KLHL4: variants seen among roughly 807,000 people sequenced by gnomAD.
KLHL4 encodes the protein kelch like family member 4.
A neutral mutation model predicts 45.8 loss-of-function variants in KLHL4; 17 were observed. That is an observed-to-expected ratio of 0.37 (90% confidence interval 0.25 to 0.56). The LOEUF (loss-of-function observed/expected upper bound fraction) is 0.56. Ranked by LOEUF, KLHL4 falls within the 20% of genes least tolerant of loss-of-function variation. The probability of loss-of-function intolerance (pLI) is 0.79; values close to 1 mark genes in which losing one functional copy is unlikely to be tolerated. For missense variants in KLHL4, 544 were observed against 544.9 expected (o/e 1.00, Z 0.02); for synonymous variants, 224 against 189.9 (o/e 1.18, Z -1.47).
In KLHL4 at chrX:87,667,533, A is replaced by C. The variant is rs1250511012; in HGVS notation, c.*999A>C. The C allele has an allele frequency of 2.8e-6, 2 of 706,270 alleles. No individual in the cohort carries two copies. Among genetic ancestry groups the C allele is most frequent in the Non-Finnish European group, 3.3e-6 (2 of 597,745 alleles). 58.2% of individuals were successfully genotyped at this position (706,270 alleles called of 1,213,427 possible). On this transcript the variant is annotated 3_prime_UTR_variant, in exon 11 of 11. Coordinates refer to ENST00000373119, the MANE Select transcript of KLHL4 (RefSeq NM_019117.5). ...ATAGTTATCTTTTTTGTACCAACAC[A>C]TGCTTTTCTGTTACTGTTATATTAT...
In KLHL4 at chrX:87,618,791, G is replaced by A. The variant is rs1015642864; in HGVS notation, c.924+663G>A. Among the ~76,000 whole-genome samples, 22 of 111,697 alleles carry A rather than the reference G, an allele frequency of 2.0e-4. No homozygotes were observed. The East Asian group carries it at 3.9e-3, about 20-fold the overall frequency. ...TGGGATTACAGGCATGAGACACTGC[G>A]CCCAGCCCAGATAATTTTATTGAAT... is the stretch of plus-strand genomic sequence containing the variant. On this transcript the variant is annotated intron_variant, in intron 4 of 10. Transcript: ENST00000373119.
intron 8 of KLHL4, 117 bp from the exon 9 acceptor site, chrX:87,635,446 C>G (rs1923233995): frequency 2.0e-6 from 1 of 509,940 alleles, no homozygotes; most frequent in African/African-American, 2.3e-5. Flanking sequence ...TAGTCAGACC[C>G]TTCAGAAACT....
chrX:87,525,290 A>T (rs998595391), intron 1 of KLHL4, among the ~76,000 whole-genome samples: 1 of 111,664 alleles, frequency 9.0e-6, no homozygotes, highest in African/African-American at 3.2e-5. Context: ...GTATATATTT[A>T]TTAGTATTTT....
chrX:87,636,637 G>T (rs1241834497), intron 9 of KLHL4, among the ~76,000 whole-genome samples: 1 of 111,018 alleles, frequency 9.0e-6, no homozygotes, highest in Admixed American at 9.6e-5. Flanking sequence ...CGAGGGTGCA[G>T]TGGGAGTGAG....
chrX:87,668,587 G>A lies in KLHL4; in HGVS notation c.*2053G>A, dbSNP rs1215916687. The A allele has an allele frequency of 6.4e-6, 3 of 466,420 alleles. No homozygotes were observed. The highest frequency in any genetic ancestry group is 5.3e-5 in the African/African-American group (2 of 37,468). The allele number at this position is 466,420 out of a possible 1,213,427, so 38.4% of individuals were successfully genotyped here. On this transcript the variant is annotated 3_prime_UTR_variant, in exon 11 of 11. Coordinates refer to ENST00000373119, the MANE Select transcript of KLHL4 (RefSeq NM_019117.5). Reference sequence around the variant, plus strand: ...ACTCCTAATGTAGCAGTACTGAGAGGCAGGGCCCTTAAGAGGTGATTGGGC... The same window carrying A: ...ACTCCTAATGTAGCAGTACTGAGAGACAGGGCCCTTAAGAGGTGATTGGGC...
chrX:87,662,647 G>A (rs1166569789), intron 9 of KLHL4, among the ~76,000 whole-genome samples: 2 of 111,148 alleles, frequency 1.8e-5, no homozygotes, highest in East Asian at 5.7e-4. Flanking sequence ...TCACTTAAAG[G>A]GGCTGGGCGC....
chrX:87,666,494 G>A lies in KLHL4; in HGVS notation c.2117G>A (p.Gly706Glu), dbSNP rs780101202. The A allele has an allele frequency of 3.4e-6, 4 of 1,188,025 alleles. No homozygotes were observed. In the South Asian group the frequency reaches 7.3e-5, roughly 22 times the overall value. The change falls in exon 11 of 11, where the codon GGA becomes GAA. Residue 706 changes from glycine (G) to glutamate (E), a missense_variant. Gly to Glu is a moderately conservative substitution (Grantham distance 98). Transcript: ENST00000373119. ...TTTTAGGAAGTTCCTGTTAACATTGGAAGAGCTGGTGCATGTGTTGTAGTG... is the reference window on the plus strand; with the variant it reads ...TTTTAGGAAGTTCCTGTTAACATTGAAAGAGCTGGTGCATGTGTTGTAGTG... ...EWKEEVPVNI[G>E]RAGACVVVVK...
Position 87,669,520 on chromosome X carries a change from G to GAA in KLHL4, c.*2994_*2995dup, listed in dbSNP as rs369203178. On this transcript the variant is annotated 3_prime_UTR_variant, in exon 11 of 11. Transcript: ENST00000373119. ...CTTCTGGAGTTCCAAATGCAATATA[G>GAA]AAAAAAAAACCCTGTGACTCTGGAT... 1.4e-6 allele frequency: 1 copy of GAA among 727,068 alleles called. No individual in the cohort carries two copies. Among genetic ancestry groups the GAA allele is most frequent in the South Asian group, 5.6e-5 (1 of 17,868 alleles). The allele number at this position is 727,068 out of a possible 1,213,427, so 59.9% of individuals were successfully genotyped here. A position where few individuals can be genotyped will look rare whatever the true frequency, so the allele number is the denominator to read the frequency against.
intron 1 of KLHL4, among the ~76,000 whole-genome samples, chrX:87,560,272 C>T (rs1369734513): frequency 8.9e-6 from 1 of 111,847 alleles, no homozygotes; most frequent in African/African-American, 3.2e-5. Context: ...TACCCTTATC[C>T]GTGTAGCTAT....
At position 87,668,444 on chromosome X, in the gene KLHL4, A is replaced by C. The variant is rs1002843812; in HGVS notation, c.*1910A>C. ...TTGATTAAGTATTGACTCATAGAAG[A>C]GACATGTATGTTTCCCGGGGCTACC... On this transcript the variant is annotated 3_prime_UTR_variant, in exon 11 of 11. Coordinates refer to ENST00000373119, the MANE Select transcript of KLHL4 (RefSeq NM_019117.5). The C allele has an allele frequency of 6.7e-6, 5 of 751,323 alleles. No individual in the cohort carries two copies. The highest frequency in any genetic ancestry group is 7.8e-6 in the Non-Finnish European group (5 of 637,738). 61.9% of individuals were successfully genotyped at this position (751,323 alleles called of 1,213,427 possible). A position where few individuals can be genotyped will look rare whatever the true frequency, so the allele number is the denominator to read the frequency against.
intron 1 of KLHL4, among the ~76,000 whole-genome samples, chrX:87,528,528 A>C (rs5969231): frequency 0.26 from 27,665 of 106,955 alleles, 3,081 homozygotes; most frequent in East Asian, 0.54. Context: ...CATCCTGGCC[A>C]ACATGGTGAA....
chrX:87,524,493 C>T (rs1931070663), intron 1 of KLHL4, among the ~76,000 whole-genome samples: 1 of 111,269 alleles, frequency 9.0e-6, no homozygotes, highest in African/African-American at 3.3e-5. Context: ...TCTTCCTCCC[C>T]CATCCCCATC....
At chrX:87,530,847 C>A (rs1185195097) in intron 1 of KLHL4, among the ~76,000 whole-genome samples, 6 of 108,721 alleles carry the variant, frequency 5.5e-5, no homozygotes, top group Admixed American at 9.9e-5. Flanking sequence ...AATCGCCACA[C>A]TGACTTCCAA....
Position 87,667,908 on chromosome X carries a change from A to T in KLHL4, c.*1374A>T. The T allele has an allele frequency of 1.5e-6, 1 of 687,462 alleles. No individual in the cohort carries two copies. The highest frequency in any genetic ancestry group is 2.3e-5 in the African/African-American group (1 of 42,556). 56.7% of individuals were successfully genotyped at this position (687,462 alleles called of 1,213,427 possible). ...AGATATTTGTACTTTGACAAACTGA[A>T]TTTAAATAAACTTTATTTCCTCTCA... is the stretch of plus-strand genomic sequence containing the variant. On this transcript the variant is annotated 3_prime_UTR_variant, in exon 11 of 11. Coordinates refer to ENST00000373119, the MANE Select transcript of KLHL4 (RefSeq NM_019117.5).
chrX:87,634,001 C>G, intron 8 of KLHL4, 90 bp downstream of exon 8: 1 of 735,448 alleles, frequency 1.4e-6, no homozygotes, highest in East Asian at 3.3e-5. Flanking sequence ...ATTAGCATTC[C>G]AAATAACCTG....
rs369203178 is a variant in KLHL4 at position 87,669,520 on chromosome X, G to GA, written c.*2995dup. The stretch of plus-strand genomic sequence containing the variant: ...CTTCTGGAGTTCCAAATGCAATATA[G>GA]AAAAAAAAACCCTGTGACTCTGGAT... On this transcript the variant is annotated 3_prime_UTR_variant, in exon 11 of 11. Transcript: ENST00000373119. The GA allele has an allele frequency of 2.3e-3, 1,638 of 718,124 alleles. No homozygotes were observed. The highest frequency in any genetic ancestry group is 3.9e-3 in the African/African-American group (160 of 40,561). The allele number at this position is 718,124 out of a possible 1,213,427, so 59.2% of individuals were successfully genotyped here. A position where few individuals can be genotyped will look rare whatever the true frequency, so the allele number is the denominator to read the frequency against.
chrX:87,591,257 C>T (rs1921653874), intron 1 of KLHL4, among the ~76,000 whole-genome samples: 1 of 111,801 alleles, frequency 8.9e-6, no homozygotes, highest in Admixed American at 9.5e-5. Flanking sequence ...AACATTTTTT[C>T]ATATACGTGA....
intron 1 of KLHL4, among the ~76,000 whole-genome samples, chrX:87,603,338 A>G (rs1389880858): frequency 9.0e-6 from 1 of 111,584 alleles, no homozygotes; most frequent in African/African-American, 3.3e-5. Flanking sequence ...AACCCACTGT[A>G]AAATTGAAGA....
At chrX:87,541,579 C>T (rs1182446215) in intron 1 of KLHL4, among the ~76,000 whole-genome samples, 2 of 109,703 alleles carry the variant, frequency 1.8e-5, no homozygotes, top group African/African-American at 6.7e-5. Context: ...TGCTTGCTTC[C>T]CTTTCACCTT....
Sources: gnomAD v4.1 joint callset for allele counts (sites outside exome capture counted in the v4.1 genomes callset) on GRCh38, gnomAD v4.1.1 for gene constraint, MANE v1.5 for transcripts, NCBI Gene and HGNC (gene_info 2026-07-23, HGNC 2026-07-21) for gene names.